Variants in GAS2L3 observed in about 807,000 individuals in gnomAD.
The protein encoded by GAS2L3 is growth arrest specific 2 like 3, also known as GAS2-like protein 3.
GAS2L3 carries 28 observed loss-of-function variants against 37.0 expected under a neutral mutation model. The ratio of observed to expected loss-of-function variants is 0.76; its 90% CI spans 0.56 to 1.04. The LOEUF (loss-of-function observed/expected upper bound fraction) is 1.04, where lower values mean the gene tolerates loss of function less well. Ranked by LOEUF, GAS2L3 falls within the 50% of genes least tolerant of loss-of-function variation. The probability of loss-of-function intolerance (pLI) is 0.00; values close to 1 mark genes in which losing one functional copy is unlikely to be tolerated. For synonymous variants in GAS2L3, 290 were observed against 296.6 expected (o/e 0.98, Z 0.23); for missense variants, 793 against 817.6 (o/e 0.97, Z 0.37).
At position 100,604,186 on chromosome 12, in the gene GAS2L3, T is replaced by A. The variant is rs138926195; in HGVS notation, c.303+2433T>A. Among the ~76,000 whole-genome samples, 234 of 152,244 alleles carry A rather than the reference T, an allele frequency of 1.5e-3. 2 individuals are homozygous for A. The East Asian group carries it at 0.024, about 16-fold the overall frequency. On this transcript the variant is annotated intron_variant, in intron 5 of 9. Transcript: ENST00000547754. ...ATTGCATTGAATCTGTAGATTGCTTTGAGTAGTATGGCCGTTTTAACAATA... is the reference window on the plus strand; with the variant it reads ...ATTGCATTGAATCTGTAGATTGCTTAGAGTAGTATGGCCGTTTTAACAATA...
At chr12:100,609,903 T>C (rs1044860142) in intron 5 of GAS2L3, among the ~76,000 whole-genome samples, 18 of 152,150 alleles carry the variant, frequency 1.2e-4, no homozygotes, top group African/African-American at 4.3e-4. Context: ...TTCTGTGCCA[T>C]GTGGTTGCTG....
At chr12:100,597,033 G>A (rs183782425) in intron 3 of GAS2L3, among the ~76,000 whole-genome samples, 225 of 151,876 alleles carry the variant, frequency 1.5e-3, no homozygotes, top group African/African-American at 5.2e-3. Context: ...TACTAAAGTC[G>A]TCTGCTTGCA....
intron 3 of GAS2L3, among the ~76,000 whole-genome samples, chr12:100,595,660 A>T (rs1475858583): frequency 7.9e-5 from 12 of 151,970 alleles, no homozygotes; most frequent in Non-Finnish European, 1.5e-5. Flanking sequence ...CATCAATTAG[A>T]TTTCAGTTCT....
At chr12:100,604,765 A>G (rs75309419) in intron 5 of GAS2L3, among the ~76,000 whole-genome samples, 2,411 of 151,998 alleles carry the variant, frequency 0.016, 65 homozygotes, top group African/African-American at 0.055. Flanking sequence ...GCTGAGGAGT[A>G]TTCCTTCTAT....
In GAS2L3 at chr12:100,626,159, A is replaced by G. The variant is rs868284372; in HGVS notation, c.*1269A>G. The G allele has an allele frequency of 1.3e-5, 2 of 152,170 alleles. No individual in the cohort carries two copies. The highest frequency in any genetic ancestry group is 6.6e-5 in the Admixed American group (1 of 15,266). 9.4% of individuals were successfully genotyped at this position (152,170 alleles called of 1,614,324 possible). A position where few individuals can be genotyped will look rare whatever the true frequency, so the allele number is the denominator to read the frequency against. The stretch of plus-strand genomic sequence containing the variant: ...CTTTTAAAACTTCACAGTATTGCCA[A>G]TTATCTTAGGTTATTCAGTATTCAG... On this transcript the variant is annotated 3_prime_UTR_variant, in exon 10 of 10. Coordinates refer to ENST00000547754, the MANE Select transcript of GAS2L3 (RefSeq NM_174942.3).
At chr12:100,623,449 C>A in intron 9 of GAS2L3, 113 bp from the exon 10 acceptor site, 1 of 887,898 alleles carries the variant, frequency 1.1e-6, no homozygotes, top group Non-Finnish European at 1.7e-6. Context: ...AGGCTGTTGG[C>A]AAATGCTCTG....
At chr12:100,579,882 G>A (rs1955688114) in intron 1 of GAS2L3, 2 of 753,406 alleles carry the variant, frequency 2.7e-6, no homozygotes, top group Non-Finnish European at 2.5e-6. Flanking sequence ...CCGTAACATA[G>A]TAAAGACTTT....
chr12:100,584,060 C>T (rs1478208758), intron 1 of GAS2L3, among the ~76,000 whole-genome samples: 1 of 152,136 alleles, frequency 6.6e-6, no homozygotes, highest in East Asian at 1.9e-4. Flanking sequence ...TAGGGGTTTT[C>T]ACATTTCTCC....
rs1204471289 is a variant in GAS2L3, at chr12:100,579,493, G to A, written c.-152+5708G>A. On this transcript the variant is annotated intron_variant, in intron 1 of 9. Transcript: ENST00000547754. ...TTAGTGGTATTATACCCAAACTCTT[G>A]TCAGAAATATTAAGATTTAAATTTC... 4.9e-5 allele frequency: 38 copies of A among 771,304 alleles called. No homozygotes were observed. The Admixed American group carries it at 6.6e-4, about 13-fold the overall frequency. The allele number at this position is 771,304 out of a possible 1,614,324, so 47.8% of individuals were successfully genotyped here.
intron 6 of GAS2L3, chr12:100,612,608 C>G (rs1449845909): frequency 6.1e-6 from 1 of 164,568 alleles, no homozygotes; most frequent in Non-Finnish European, 1.3e-5. Flanking sequence ...TTTGAGGAGT[C>G]ATGCTCTGTT....
intron 3 of GAS2L3, among the ~76,000 whole-genome samples, chr12:100,598,947 C>G (rs956535346): frequency 1.3e-5 from 2 of 152,096 alleles, no homozygotes; most frequent in Non-Finnish European, 2.9e-5. Flanking sequence ...CCACTCACAC[C>G]CTGGGTAGAT....
chr12:100,623,059 A>G (rs1483589480), intron 9 of GAS2L3, among the ~76,000 whole-genome samples: 4 of 152,150 alleles, frequency 2.6e-5, no homozygotes, highest in African/African-American at 9.7e-5. Flanking sequence ...TTATTTCACC[A>G]TCCATATTTT....
At chr12:100,623,518 C>T in intron 9 of GAS2L3, 44 bp from the exon 10 acceptor site, 1 of 1,524,212 alleles carries the variant, frequency 6.6e-7, no homozygotes, top group Non-Finnish European at 8.8e-7. Context: ...AACTATAAAC[C>T]TCACAGTATT....
chr12:100,577,710 A>G (rs1955655362), intron 1 of GAS2L3, among the ~76,000 whole-genome samples: 2 of 152,352 alleles, frequency 1.3e-5, no homozygotes, highest in African/African-American at 2.4e-5. Context: ...AAAAGTATAG[A>G]GTGCAGCAAA....
At chr12:100,580,739 G>A (rs1334261884) in intron 1 of GAS2L3, among the ~76,000 whole-genome samples, 1 of 152,172 alleles carries the variant, frequency 6.6e-6, no homozygotes, top group African/African-American at 2.4e-5. Context: ...GGTTCCTTGA[G>A]TAAGATAGTC....
chr12:100,607,087 A>G (rs1357263624), intron 5 of GAS2L3, among the ~76,000 whole-genome samples: 1 of 152,142 alleles, frequency 6.6e-6, no homozygotes, highest in African/African-American at 2.4e-5. Flanking sequence ...TGAAGAACTC[A>G]CTTTAGCATT....
At chr12:100,579,790 CT>C in intron 1 of GAS2L3, 1 of 718,108 alleles carries the variant, frequency 1.4e-6, no homozygotes, top group Admixed American at 2.1e-5. Context: ...TTATGAGAAA[CT>C]TCAGTAAAAT....
chr12:100,623,003 GT>G (rs984330625), intron 9 of GAS2L3, among the ~76,000 whole-genome samples: 25 of 152,004 alleles, frequency 1.6e-4, no homozygotes, highest in African/African-American at 5.8e-4. Flanking sequence ...TACAGAAGCT[GT>G]CTTATTTCCA....
intron 1 of GAS2L3, among the ~76,000 whole-genome samples, chr12:100,591,003 G>A (rs1393618967): frequency 6.6e-6 from 1 of 151,980 alleles, no homozygotes; most frequent in African/African-American, 2.4e-5. Flanking sequence ...GGTGATGGAT[G>A]CACCAAAATC....
Sources: allele counts gnomAD v4.1 joint callset (sites outside exome capture counted in the v4.1 genomes callset), GRCh38; gene constraint gnomAD v4.1.1; transcripts MANE v1.5; gene names NCBI Gene and HGNC (gene_info 2026-07-23, HGNC 2026-07-21).